ARHGAP10: variants seen among roughly 807,000 people sequenced by gnomAD.
The protein encoded by ARHGAP10 is rho GTPase-activating protein 10.
In ARHGAP10, 87 loss-of-function variants were observed where a neutral mutation model predicts 108.6. The ratio of observed to expected loss-of-function variants is 0.80; its 90% CI spans 0.67 to 0.96. The LOEUF (loss-of-function observed/expected upper bound fraction) is 0.96. ARHGAP10 is among the 40% of genes least tolerant of loss of function. The probability of loss-of-function intolerance (pLI) is 0.00; values close to 1 mark genes in which losing one functional copy is unlikely to be tolerated. For missense variants in ARHGAP10, 939 were observed against 954.5 expected (o/e 0.98, Z 0.21); for synonymous variants, 347 against 341.1 (o/e 1.02, Z -0.19).
At chr4:147,998,160 C>T (rs374207223) in intron 18 of ARHGAP10, among the ~76,000 whole-genome samples, 9 of 151,828 alleles carry the variant, frequency 5.9e-5, no homozygotes, top group South Asian at 2.1e-4. Context: ...AAAAAAGTAG[C>T]GTTTATGAAT....
At chr4:147,904,453 G>A (rs982622005) in intron 10 of ARHGAP10, among the ~76,000 whole-genome samples, 25 of 146,804 alleles carry the variant, frequency 1.7e-4, no homozygotes, top group South Asian at 1.3e-3. Context: ...TCATTGTTCA[G>A]TTCCCACCTA....
At chr4:147,939,931 G>A in intron 14 of ARHGAP10, 32 bp downstream of exon 14, 2 of 1,560,556 alleles carry the variant, frequency 1.3e-6, no homozygotes, top group Non-Finnish European at 1.8e-6. Context: ...TTTTCCATGT[G>A]TTATTTGTGT....
intron 14 of ARHGAP10, among the ~76,000 whole-genome samples, chr4:147,943,054 G>GT (rs1446535468): frequency 6.6e-6 from 1 of 152,228 alleles, no homozygotes; most frequent in Non-Finnish European, 1.5e-5. Flanking sequence ...GTGAGTCATG[G>GT]TTTTTTAGTA....
chr4:147,857,043 G>A (rs1734118595), intron 4 of ARHGAP10, among the ~76,000 whole-genome samples: 1 of 152,090 alleles, frequency 6.6e-6, no homozygotes, highest in Admixed American at 6.6e-5. Context: ...AGTAGGGACG[G>A]GATTTCACCA....
intron 1 of ARHGAP10, among the ~76,000 whole-genome samples, chr4:147,805,153 T>C (rs2126765165): frequency 6.6e-6 from 1 of 152,308 alleles, no homozygotes. Context: ...TTTTTGTATA[T>C]GGAGTTAGGA....
chr4:147,788,650 T>C (rs543169320), intron 1 of ARHGAP10, among the ~76,000 whole-genome samples: 21 of 152,290 alleles, frequency 1.4e-4, no homozygotes, highest in African/African-American at 2.6e-4. Flanking sequence ...CGGTATTTGG[T>C]GTGTAGAATT....
intron 20 of ARHGAP10, among the ~76,000 whole-genome samples, chr4:148,048,674 A>T (rs1055372692): frequency 2.6e-5 from 4 of 152,212 alleles, no homozygotes; most frequent in Non-Finnish European, 5.9e-5. Flanking sequence ...CCTTTCAGTA[A>T]GTGAATATCA....
chr4:147,880,076 C>G (rs1300112515), intron 9 of ARHGAP10, among the ~76,000 whole-genome samples: 1 of 152,166 alleles, frequency 6.6e-6, no homozygotes, highest in East Asian at 1.9e-4. Flanking sequence ...AAGAAAAGAG[C>G]AAGAAGACCT....
At chr4:147,914,745 A>G (rs1314486783) in intron 13 of ARHGAP10, among the ~76,000 whole-genome samples, 2 of 152,074 alleles carry the variant, frequency 1.3e-5, no homozygotes, top group Non-Finnish European at 2.9e-5. Flanking sequence ...ATAGACCACA[A>G]TTTGTTTATC....
At chr4:147,822,875 A>G (rs1011595196) in intron 2 of ARHGAP10, 21 bp from the exon 3 acceptor site, 1 of 1,613,714 alleles carries the variant, frequency 6.2e-7, no homozygotes, top group Non-Finnish European at 8.5e-7. Flanking sequence ...CCACCAAATA[A>G]TCACTCCTTT....
chr4:148,036,066 CTGTGTGTGTG>C (rs61692055), intron 19 of ARHGAP10, among the ~76,000 whole-genome samples: 11 of 142,758 alleles, frequency 7.7e-5, no homozygotes, highest in South Asian at 2.3e-4. Flanking sequence ...GGAGCTGCCT[CTGTGTGTGTG>C]TGTGTGTGTG....
At chr4:147,755,077 C>T (rs1010686010) in intron 1 of ARHGAP10, among the ~76,000 whole-genome samples, 4 of 147,054 alleles carry the variant, frequency 2.7e-5, no homozygotes, top group African/African-American at 7.6e-5. Flanking sequence ...AGTGAAACTC[C>T]GTCTCAAAAA....
intron 9 of ARHGAP10, among the ~76,000 whole-genome samples, chr4:147,879,945 A>G (rs1351615532): frequency 6.6e-6 from 1 of 152,218 alleles, no homozygotes; most frequent in East Asian, 1.9e-4. Context: ...GCCTGAAAAC[A>G]AAGAAGAGTG....
At chr4:147,973,168 C>T (rs1226028294) in intron 18 of ARHGAP10, among the ~76,000 whole-genome samples, 4 of 151,924 alleles carry the variant, frequency 2.6e-5, no homozygotes, top group South Asian at 2.1e-4. Context: ...TTGTTTTTGT[C>T]ATATGACAAG....
Position 148,072,230 on chromosome 4 carries a change from G to T in ARHGAP10, c.*149G>T. Reference sequence around the variant, plus strand: ...TCATCACAGTCAGCCCTGGGGGTGGGGGGTGGTGGGCAGGGATGGGACGCA... The same window carrying T: ...TCATCACAGTCAGCCCTGGGGGTGGTGGGTGGTGGGCAGGGATGGGACGCA... On this transcript the variant is annotated 3_prime_UTR_variant, in exon 23 of 23. Transcript: ENST00000336498. The T allele has an allele frequency of 1.9e-6, 1 of 538,154 alleles. No individual in the cohort carries two copies. The allele number at this position is 538,154 out of a possible 1,614,324, so 33.3% of individuals were successfully genotyped here. A position where few individuals can be genotyped will look rare whatever the true frequency, so the allele number is the denominator to read the frequency against.
intron 1 of ARHGAP10, among the ~76,000 whole-genome samples, chr4:147,749,327 G>C (rs927016864): frequency 6.6e-6 from 1 of 152,142 alleles, no homozygotes; most frequent in African/African-American, 2.4e-5. Flanking sequence ...TAACACCTTA[G>C]CTTGTTGTAG....
chr4:147,870,105 G>T (rs545191016), intron 7 of ARHGAP10, among the ~76,000 whole-genome samples: 4 of 151,554 alleles, frequency 2.6e-5, no homozygotes, highest in Admixed American at 1.3e-4. Flanking sequence ...GGAGTGCAGC[G>T]GCCCAATCAA....
chr4:147,903,983 G>T (rs1019059066), intron 10 of ARHGAP10, among the ~76,000 whole-genome samples: 7 of 152,128 alleles, frequency 4.6e-5, no homozygotes, highest in African/African-American at 1.7e-4. Flanking sequence ...AACTGCCAAG[G>T]AATGTGATTG....
chr4:148,055,457 G>A (rs1034441495), intron 20 of ARHGAP10, among the ~76,000 whole-genome samples: 1 of 152,214 alleles, frequency 6.6e-6, no homozygotes, highest in African/African-American at 2.4e-5. Flanking sequence ...GGGAGACTGA[G>A]GCAGGCAGAT....
Sources: gnomAD v4.1 joint callset for allele counts (sites outside exome capture counted in the v4.1 genomes callset) on GRCh38, gnomAD v4.1.1 for gene constraint, MANE v1.5 for transcripts, NCBI Gene and HGNC (gene_info 2026-07-23, HGNC 2026-07-21) for gene names.